SPATA13: variants seen among roughly 807,000 people sequenced by gnomAD.
SPATA13 encodes the protein spermatogenesis-associated protein 13.
A neutral mutation model predicts 104.0 loss-of-function variants in SPATA13; 50 were observed. The observed-to-expected ratio is 0.48, with a 90% CI of 0.38 to 0.61. SPATA13 has a LOEUF of 0.61. Among genes scored for constraint, SPATA13 ranks in the 20% least tolerant of loss-of-function variants. The pLI is 0.00. For synonymous variants in SPATA13, 606 were observed against 667.5 expected (o/e 0.91, Z 1.42); for missense variants, 1,524 against 1,690.6 (o/e 0.90, Z 1.73).
chr13:24,013,103 G>T (rs762242739), intron 2 of SPATA13, among the ~76,000 whole-genome samples: 1 of 152,196 alleles, frequency 6.6e-6, no homozygotes, highest in Non-Finnish European at 1.5e-5. Flanking sequence ...GAGCCAGGGT[G>T]GGGGGTACAT....
intron 3 of SPATA13, among the ~76,000 whole-genome samples, chr13:24,076,714 G>A (rs774557909): frequency 6.6e-6 from 1 of 151,662 alleles, no homozygotes; most frequent in Non-Finnish European, 1.5e-5. Flanking sequence ...GGAAGGATCC[G>A]CTCACAAGAA....
intron 3 of SPATA13, among the ~76,000 whole-genome samples, chr13:24,094,854 C>G (rs1012263327): frequency 1.3e-5 from 2 of 152,130 alleles, no homozygotes; most frequent in Non-Finnish European, 2.9e-5. Flanking sequence ...TAAGTAAAAA[C>G]CTCCTTACCA....
chr13:24,199,707 T>G (rs7330416), intron 1 of SPATA13, among the ~76,000 whole-genome samples: 1 of 152,132 alleles, frequency 6.6e-6, no homozygotes, highest in South Asian at 2.1e-4. Context: ...TGCCTAGACC[T>G]GCGGCAATGT....
At chr13:24,049,941 C>T (rs1460934150) in intron 3 of SPATA13, among the ~76,000 whole-genome samples, 3 of 152,202 alleles carry the variant, frequency 2.0e-5, no homozygotes, top group African/African-American at 4.8e-5. Context: ...AGCACAATCT[C>T]AGCTCACTGC....
At chr13:24,061,038 C>T (rs910739576) in intron 3 of SPATA13, among the ~76,000 whole-genome samples, 5 of 152,152 alleles carry the variant, frequency 3.3e-5, no homozygotes, top group East Asian at 1.9e-4. Context: ...GACTCTGCCC[C>T]GCACCCCCCA....
At chr13:24,257,611 C>CT (rs201620960) in intron 4 of SPATA13, among the ~76,000 whole-genome samples, 12,410 of 143,418 alleles carry the variant, frequency 0.087, 584 homozygotes, top group African/African-American at 0.13. Flanking sequence ...TAAATTTTTA[C>CT]TTTTTTTTTT....
At chr13:24,129,132 G>T (rs1270557323) in intron 3 of SPATA13, among the ~76,000 whole-genome samples, 3 of 152,244 alleles carry the variant, frequency 2.0e-5, no homozygotes, top group Non-Finnish European at 4.4e-5. Context: ...TGCAGCATGG[G>T]CTTTCAATCC....
Position 24,224,374 on chromosome 13 carries a change from C to T in SPATA13, c.1445C>T (p.Ala482Val). ...QSPQSPQSPG[A>V]GSASCHSNHS... is the part of the protein sequence containing the mutation. Reference sequence around the variant, plus strand: ...CCTCAGAGCCCCCAGAGCCCCGGGGCAGGAAGTGCCAGCTGTCACAGCAAT... The same window carrying T: ...CCTCAGAGCCCCCAGAGCCCCGGGGTAGGAAGTGCCAGCTGTCACAGCAAT... Residue 482 changes from alanine to valine, a missense_variant, in exon 2 of 13, where the codon GCA becomes GTA. Coordinates refer to ENST00000382108, the MANE Select transcript of SPATA13 (RefSeq NM_001166271.3). The T allele has an allele frequency of 6.4e-7, 1 of 1,551,700 alleles. No homozygotes were observed. The highest frequency in any genetic ancestry group is 8.7e-7 in the Non-Finnish European group (1 of 1,147,004).
At chr13:24,104,238 G>A (rs1880361533) in intron 3 of SPATA13, among the ~76,000 whole-genome samples, 1 of 147,890 alleles carries the variant, frequency 6.8e-6, no homozygotes, top group African/African-American at 2.6e-5. Context: ...AGCTAGAATG[G>A]GTTTTTTTTT....
chr13:24,291,820 A>G (rs1361191918), intron 9 of SPATA13, among the ~76,000 whole-genome samples: 1 of 148,308 alleles, frequency 6.7e-6, no homozygotes, highest in Non-Finnish European at 1.5e-5. Context: ...GCAGTGGCGC[A>G]ATCTCGGCTC....
At chr13:24,122,642 G>A in intron 3 of SPATA13, 2 of 1,213,192 alleles carry the variant, frequency 1.6e-6, no homozygotes, top group Non-Finnish European at 2.5e-6. Context: ...TGCACATACT[G>A]TATATCACTT....
intron 3 of SPATA13, among the ~76,000 whole-genome samples, chr13:24,089,852 T>C (rs912440507): frequency 1.2e-4 from 19 of 152,216 alleles, no homozygotes; most frequent in Non-Finnish European, 2.9e-5. Context: ...GCAGGTTTGG[T>C]GTTTGGTGAG....
chr13:24,076,914 C>A (rs1469943354), intron 3 of SPATA13, among the ~76,000 whole-genome samples: 1 of 152,010 alleles, frequency 6.6e-6, no homozygotes, highest in Non-Finnish European at 1.5e-5. Flanking sequence ...ACAGTCATTG[C>A]AGCAGATCGG....
intron 3 of SPATA13, among the ~76,000 whole-genome samples, chr13:24,091,010 G>C (rs61945478): frequency 0.079 from 12,015 of 152,196 alleles, 566 homozygotes; most frequent in African/African-American, 0.12. Context: ...TGTAGCTCCC[G>C]AAGTCTCTGC....
rs758116808 is a variant in SPATA13 at position 24,289,173 on chromosome 13, C to A, written c.2842C>A (p.Gln948Lys). ...HLSEIGSCFL[Q>K]NQEGFAIYSE... is the part of the protein sequence containing the mutation. The stretch of plus-strand genomic sequence containing the variant: ...AAGTGAAATAGGATCTTGCTTTCTT[C>A]AAAATGTGCGTCACCCTTTACTTCA... The change falls in exon 8 of 13, where the codon CAA (glutamine) becomes AAA (lysine). Residue 948 changes from glutamine to lysine, a missense_variant. Around this residue, in one of 2 missense-constraint regions of SPATA13, gnomAD observed 435 missense variants for 554.8 expected, o/e 0.78. Coordinates refer to ENST00000382108, the MANE Select transcript of SPATA13 (RefSeq NM_001166271.3). 6 of 1,607,854 alleles carry A rather than the reference C, an allele frequency of 3.7e-6. No homozygotes were observed. Among genetic ancestry groups the A allele is most frequent in the Non-Finnish European group, 5.1e-6 (6 of 1,178,484 alleles).
At position 24,247,478 on chromosome 13, in the gene SPATA13, C is replaced by CTTTTTTTTTTTTT. The variant is rs10625714; in HGVS notation, c.1654-1992_1654-1980dup. Reference sequence around the variant, plus strand: ...CACTGTGCTCTTTGCTCCACATTCACTTTTTTTTTTTTTTTTTTTGAGACA... The same window carrying CTTTTTTTTTTTTT: ...CACTGTGCTCTTTGCTCCACATTCACTTTTTTTTTTTTTTTTTTTTTTTTTTTTTTTTGAGACA... On this transcript the variant is annotated intron_variant, in intron 2 of 12. Coordinates refer to ENST00000382108, the MANE Select transcript of SPATA13 (RefSeq NM_001166271.3). Among the ~76,000 whole-genome samples, 308 of 87,116 alleles carry CTTTTTTTTTTTTT rather than the reference C, an allele frequency of 3.5e-3. 46 individuals are homozygous for CTTTTTTTTTTTTT. Among genetic ancestry groups the CTTTTTTTTTTTTT allele is most frequent in the Middle Eastern group, 9.6e-3 (1 of 104 alleles). The allele number at this position is 87,116 out of a possible 152,430, so 57.2% of individuals were successfully genotyped here. A position where few individuals can be genotyped will look rare whatever the true frequency, so the allele number is the denominator to read the frequency against.
At chr13:24,212,535 G>A (rs569593997) in intron 1 of SPATA13, among the ~76,000 whole-genome samples, 1 of 152,276 alleles carries the variant, frequency 6.6e-6, no homozygotes, top group Non-Finnish European at 1.5e-5. Context: ...GGCCTAAGAA[G>A]AACTATTGGG....
intron 3 of SPATA13, among the ~76,000 whole-genome samples, chr13:24,129,973 C>G (rs1881341395): frequency 6.6e-6 from 1 of 152,210 alleles, no homozygotes; most frequent in Non-Finnish European, 1.5e-5. Flanking sequence ...ACCTGGGAGT[C>G]CCTCCAGGTC....
chr13:24,203,335 A>G (rs1038950202), intron 1 of SPATA13, among the ~76,000 whole-genome samples: 3 of 151,944 alleles, frequency 2.0e-5, no homozygotes, highest in African/African-American at 7.3e-5. Context: ...GGGAAGGGGA[A>G]GAAGGGGAAG....
Sources: gnomAD v4.1 joint callset for allele counts (sites outside exome capture counted in the v4.1 genomes callset) on GRCh38, gnomAD v4.1.1 for gene constraint, gnomAD v4.1.1 regional missense constraint, MANE v1.5 for transcripts, NCBI Gene and HGNC (gene_info 2026-07-23, HGNC 2026-07-21) for gene names.